The following DOCK4 variants were observed in gnomAD, a reference collection of about 807,000 sequenced individuals.
DOCK4 encodes the protein dedicator of cytokinesis 4.
In DOCK4, 97 loss-of-function variants were observed where a neutral mutation model predicts 268.1. The observed-to-expected ratio is 0.36, with a 90% CI of 0.31 to 0.43. The LOEUF (loss-of-function observed/expected upper bound fraction) is 0.43, where lower values mean the gene tolerates loss of function less well. Among genes scored for constraint, DOCK4 ranks in the 20% least tolerant of loss-of-function variants. DOCK4 has a pLI of 1.00. For synonymous variants in DOCK4, 954 were observed against 887.2 expected (o/e 1.08, Z -1.34); for missense variants, 2,145 against 2,455.7 (o/e 0.87, Z 2.67).
Position 112,122,817 on chromosome 7 carries a change from C to G in DOCK4, c.37+83285G>C, listed in dbSNP as rs73715465. ...TTGAAAGTTGAAACATTGTTTTTAT[C>G]TTATGAGTGACTATCTTTAAGTTAT... On this transcript the variant is annotated intron_variant, in intron 1 of 52. Transcript: ENST00000428084. Among the ~76,000 whole-genome samples, 841 of 152,116 alleles carry G rather than the reference C, an allele frequency of 5.5e-3. 9 individuals carry two copies. Among genetic ancestry groups the G allele is most frequent in the African/African-American group, 0.019 (788 of 41,502 alleles).
chr7:111,916,375 G>T (rs1209907490), intron 12 of DOCK4, among the ~76,000 whole-genome samples: 10 of 152,058 alleles, frequency 6.6e-5, no homozygotes, highest in Non-Finnish European at 1.3e-4. Flanking sequence ...TTAATTTAAG[G>T]ATTTAAAGGA....
chr7:112,056,682 C>T (rs1034159669), intron 1 of DOCK4, among the ~76,000 whole-genome samples: 19 of 152,058 alleles, frequency 1.2e-4, no homozygotes, highest in African/African-American at 3.9e-4. Flanking sequence ...ACAAAATGGA[C>T]AAATGGCTTA....
At chr7:111,973,156 CATATATATATATATAT>C (rs144045255) in intron 8 of DOCK4, among the ~76,000 whole-genome samples, 3 of 114,062 alleles carry the variant, frequency 2.6e-5, no homozygotes, top group Admixed American at 8.9e-5. Context: ...TATTCCATGG[CATATATATATATATAT>C]ATATATATAT....
At chr7:112,155,718 T>G (rs950452154) in intron 1 of DOCK4, among the ~76,000 whole-genome samples, 7 of 152,070 alleles carry the variant, frequency 4.6e-5, no homozygotes, top group Admixed American at 3.9e-4. Flanking sequence ...AGGGAAGTAT[T>G]TGAGTTTGTC....
chr7:111,841,565 G>A (rs1465427013), intron 25 of DOCK4, among the ~76,000 whole-genome samples: 3 of 151,814 alleles, frequency 2.0e-5, no homozygotes, highest in African/African-American at 7.3e-5. Flanking sequence ...AGGTCTGTCT[G>A]AGTACTCTTA....
At chr7:111,937,435 C>G (rs1794829442) in intron 11 of DOCK4, among the ~76,000 whole-genome samples, 2 of 152,036 alleles carry the variant, frequency 1.3e-5, no homozygotes, top group Admixed American at 1.3e-4. Flanking sequence ...TATGGAAAAG[C>G]AGACAATAAA....
chr7:112,152,186 T>C (rs1046177372), intron 1 of DOCK4, among the ~76,000 whole-genome samples: 3 of 152,174 alleles, frequency 2.0e-5, no homozygotes, highest in African/African-American at 7.2e-5. Flanking sequence ...AATTCTTCCA[T>C]TTACTATGTA....
At chr7:112,068,577 T>C (rs1466148914) in intron 1 of DOCK4, among the ~76,000 whole-genome samples, 2 of 152,188 alleles carry the variant, frequency 1.3e-5, no homozygotes, top group Non-Finnish European at 2.9e-5. Context: ...TCCTGACACA[T>C]TGCAAATGCA....
intron 23 of DOCK4, among the ~76,000 whole-genome samples, chr7:111,856,746 C>T (rs761410575): frequency 4.1e-4 from 63 of 152,058 alleles, no homozygotes; most frequent in Middle Eastern, 3.4e-3. Context: ...TACGGGTAAG[C>T]GGGAAGAGGA....
intron 1 of DOCK4, among the ~76,000 whole-genome samples, chr7:112,025,332 G>T (rs1473454836): frequency 6.6e-6 from 1 of 152,158 alleles, no homozygotes; most frequent in Non-Finnish European, 1.5e-5. Flanking sequence ...AAGATTCCCT[G>T]GATGAGGACA....
intron 23 of DOCK4, among the ~76,000 whole-genome samples, chr7:111,849,614 C>T (rs1267709526): frequency 6.6e-6 from 1 of 152,128 alleles, no homozygotes; most frequent in Non-Finnish European, 1.5e-5. Context: ...CCTTCATTGT[C>T]CATTCATCTT....
At chr7:111,960,523 CT>C (rs753880464) in intron 8 of DOCK4, among the ~76,000 whole-genome samples, 4,509 of 78,748 alleles carry the variant, frequency 0.057, 29 homozygotes, top group African/African-American at 0.08. Flanking sequence ...ACCTCATGTG[CT>C]TTTTTTTTTT....
chr7:112,136,479 C>T (rs529219521), intron 1 of DOCK4, among the ~76,000 whole-genome samples: 1 of 152,192 alleles, frequency 6.6e-6, no homozygotes, highest in Non-Finnish European at 1.5e-5. Flanking sequence ...ATAATTCACT[C>T]GCTCCCTCAC....
intron 1 of DOCK4, among the ~76,000 whole-genome samples, chr7:112,145,420 A>G (rs1430270985): frequency 6.6e-6 from 1 of 152,218 alleles, no homozygotes; most frequent in Non-Finnish European, 1.5e-5. Flanking sequence ...TGGCTCACAT[A>G]AAACTGAGGC....
intron 11 of DOCK4, 150 bp downstream of exon 11, chr7:111,939,960 G>T: frequency 2.6e-6 from 2 of 756,324 alleles, no homozygotes; most frequent in Non-Finnish European, 2.1e-6. Context: ...AGGCTCACTT[G>T]CAACAAGTCT....
At chr7:112,130,576 A>G (rs1180082658) in intron 1 of DOCK4, among the ~76,000 whole-genome samples, 1 of 152,232 alleles carries the variant, frequency 6.6e-6, no homozygotes, top group African/African-American at 2.4e-5. Flanking sequence ...GTGATGATGG[A>G]TATCAAAATC....
intron 1 of DOCK4, among the ~76,000 whole-genome samples, chr7:112,088,296 C>T (rs909721156): frequency 1.3e-5 from 2 of 152,100 alleles, no homozygotes; most frequent in African/African-American, 2.4e-5. Flanking sequence ...AACAGAATTA[C>T]AAAGCCTTTT....
chr7:111,998,534 CG>C (rs1395403331), intron 3 of DOCK4, 31 bp from the exon 4 acceptor site: 9 of 1,548,018 alleles, frequency 5.8e-6, no homozygotes, highest in Non-Finnish European at 7.9e-6. Flanking sequence ...GTTACGATGC[CG>C]GCTGTTAAGG....
chr7:112,105,053 T>C (rs751933459), intron 1 of DOCK4, among the ~76,000 whole-genome samples: 1 of 152,170 alleles, frequency 6.6e-6, no homozygotes, highest in Non-Finnish European at 1.5e-5. Context: ...AACAGGAAGA[T>C]ACTGGCCATT....
Sources: gnomAD v4.1 joint callset for allele counts (sites outside exome capture counted in the v4.1 genomes callset) on GRCh38, gnomAD v4.1.1 for gene constraint, MANE v1.5 for transcripts, NCBI Gene and HGNC (gene_info 2026-07-23, HGNC 2026-07-21) for gene names.